DAB1: variants seen among roughly 807,000 people sequenced by gnomAD.
DAB1 encodes disabled homolog 1.
In DAB1, 15 loss-of-function variants were observed where a neutral mutation model predicts 64.6. The observed-to-expected ratio is 0.23, with a 90% confidence interval of 0.16 to 0.36. The LOEUF (loss-of-function observed/expected upper bound fraction) is 0.36, where lower values mean the gene tolerates loss of function less well. DAB1 is among the 10% of genes least tolerant of loss of function. The pLI, the probability that DAB1 is intolerant of heterozygous loss-of-function variation, is 1.00. For missense variants in DAB1, 596 were observed against 706.7 expected, an observed-to-expected ratio of 0.84 and a Z score of 1.78; for synonymous variants, 235 against 251.9, an observed-to-expected ratio of 0.93 and a Z score of 0.64.
Position 58,143,989 on chromosome 1 carries a change from C to G in DAB1, n.387+6522G>C, listed in dbSNP as rs553489483. On this transcript the variant is annotated intron_variant and non_coding_transcript_variant, in intron 5 of 20. Coordinates refer to the DAB1 transcript ENST00000485760. ...TTTCCTCCATTTAATTCCTTCCTTC[C>G]GTTTAGTTGCATTTTATTTCTTTAA... 2.0e-5 allele frequency among the ~76,000 whole-genome samples: 3 copies of G among 152,198 alleles called. No individual in the cohort carries two copies. In the East Asian group the frequency reaches 5.8e-4, roughly 29 times the overall value.
rs929551118 is a variant in DAB1, at chr1:58,493,998, T to C, written n.257+12062A>G. On this transcript the variant is annotated intron_variant and non_coding_transcript_variant, in intron 3 of 20. Coordinates refer to the DAB1 transcript ENST00000485760. ...AAAAAGAACAAAGCTGGAGGCATCATGCTACCTGACTTCAAACTATACTAC... is the reference window on the plus strand; with the variant it reads ...AAAAAGAACAAAGCTGGAGGCATCACGCTACCTGACTTCAAACTATACTAC... 2.7e-5 allele frequency among the ~76,000 whole-genome samples: 4 copies of C among 147,212 alleles called. No individual in the cohort carries two copies. The South Asian group carries it at 6.5e-4, about 24-fold the overall frequency.
Position 57,728,389 on chromosome 1 carries a change from C to T in DAB1, n.552-78724G>A, listed in dbSNP as rs190519457. 7.8e-3 allele frequency among the ~76,000 whole-genome samples: 1,194 copies of T among 152,110 alleles called. 14 individuals carry two copies. The highest frequency in any genetic ancestry group is 0.027 in the African/African-American group (1,132 of 41,482). On this transcript the variant is annotated intron_variant and non_coding_transcript_variant, in intron 6 of 20. Coordinates refer to the DAB1 transcript ENST00000485760. ...CAGGCAGATCATGAGGTCAGGAGAT[C>T]GAGACCATCCTGGCTAACACGGTGA... is the stretch of plus-strand genomic sequence containing the variant.
chr1:57,317,491 C>T (rs1327624855), intron 1 of DAB1, among the ~76,000 whole-genome samples: 2 of 152,122 alleles, frequency 1.3e-5, no homozygotes, highest in Non-Finnish European at 1.5e-5. Flanking sequence ...TTCAAGTATG[C>T]TCAAAGATTA....
At chr1:57,939,588 G>T (rs1645074223) in intron 5 of DAB1, among the ~76,000 whole-genome samples, 1 of 152,168 alleles carries the variant, frequency 6.6e-6, no homozygotes, top group African/African-American at 2.4e-5. Context: ...CAGCCTAGCG[G>T]TAATTTCTTC....
upstream of DAB1, among the ~76,000 whole-genome samples, chr1:57,426,082 T>C (rs558877213): frequency 1.3e-5 from 2 of 152,286 alleles, no homozygotes; most frequent in South Asian, 2.1e-4. Flanking sequence ...GCCAAAAACA[T>C]TGAAGTTTCT....
chr1:57,960,842 C>G (rs1044236366), intron 5 of DAB1, among the ~76,000 whole-genome samples: 1 of 152,238 alleles, frequency 6.6e-6, no homozygotes, highest in Non-Finnish European at 1.5e-5. Context: ...GGAGAACAGA[C>G]CCCAGCCTCA....
intron 4 of DAB1, among the ~76,000 whole-genome samples, chr1:57,091,059 G>T (rs1653626271): frequency 1.3e-5 from 2 of 152,048 alleles, no homozygotes; most frequent in South Asian, 4.2e-4. Flanking sequence ...GCAGTTTCAA[G>T]CCAAGTTTTG....
intron 4 of DAB1, among the ~76,000 whole-genome samples, chr1:58,332,795 C>T (rs1265766051): frequency 1.3e-5 from 2 of 152,154 alleles, no homozygotes; most frequent in Non-Finnish European, 2.9e-5. Flanking sequence ...TGGCAGTGTT[C>T]TCTCTCACTC....
intron 5 of DAB1, among the ~76,000 whole-genome samples, chr1:57,926,897 T>C (rs1644887533): frequency 6.6e-6 from 1 of 152,162 alleles, no homozygotes; most frequent in Admixed American, 6.5e-5. Context: ...CAATTACCTT[T>C]GATAATATAG....
At chr1:58,276,237 G>GTGAATATACATAACATAT (rs1661440047) in intron 4 of DAB1, among the ~76,000 whole-genome samples, 1 of 152,114 alleles carries the variant, frequency 6.6e-6, no homozygotes, top group Non-Finnish European at 1.5e-5. Flanking sequence ...TTGAGTGCAT[G>GTGAATATACATAACATAT]ACAATGTGAA....
chr1:57,951,320 A>ATATATATATATATATATATATATG (rs1002592985), intron 5 of DAB1, among the ~76,000 whole-genome samples: 7 of 123,372 alleles, frequency 5.7e-5, no homozygotes, highest in African/African-American at 2.0e-4. Flanking sequence ...CCTGATTCAT[A>ATATATATATATATATATATATATG]TATATATATA....
chr1:57,102,334 G>C lies in DAB1; in HGVS notation c.307-29920C>G, dbSNP rs1654755657. On this transcript the variant is annotated intron_variant, in intron 4 of 14. Coordinates refer to ENST00000371236, the MANE Select transcript of DAB1 (RefSeq NM_001365792.1). ...TTCACATGATATTATGATGGCTTGA[G>C]ATAAGCTTAAACTCTTCTGAAGGCT... Among the ~76,000 whole-genome samples the C allele has an allele frequency of 2.0e-5, 3 of 152,162 alleles. No individual in the cohort carries two copies. The South Asian group carries it at 6.2e-4, about 32-fold the overall frequency.
chr1:58,429,425 G>A (rs1370541733), intron 3 of DAB1, among the ~76,000 whole-genome samples: 13 of 152,178 alleles, frequency 8.5e-5, no homozygotes, highest in African/African-American at 2.9e-4. Flanking sequence ...AACTAGCAAA[G>A]GAGACAGAGC....
At chr1:58,112,930 T>C (rs961963978) in intron 5 of DAB1, among the ~76,000 whole-genome samples, 14 of 152,316 alleles carry the variant, frequency 9.2e-5, no homozygotes, top group Admixed American at 7.8e-4. Context: ...GCCACAGCTC[T>C]GAGACACAAT....
At chr1:58,041,163 A>G (rs1290021894) in intron 5 of DAB1, among the ~76,000 whole-genome samples, 1 of 152,214 alleles carries the variant, frequency 6.6e-6, no homozygotes, top group Non-Finnish European at 1.5e-5. Flanking sequence ...AAGCCTTTAA[A>G]GTCTTCCTAT....
chr1:57,470,499 CTCTAAG>C (rs1327255416), intron 7 of DAB1, among the ~76,000 whole-genome samples: 10 of 152,166 alleles, frequency 6.6e-5, no homozygotes, highest in African/African-American at 2.4e-4. Context: ...TTGAAAGTAT[CTCTAAG>C]TCTAAGGCTT....
intron 3 of DAB1, among the ~76,000 whole-genome samples, chr1:58,376,635 C>A (rs1475922780): frequency 6.9e-6 from 1 of 145,668 alleles, no homozygotes; most frequent in African/African-American, 2.6e-5. Flanking sequence ...TGGTGTGGTG[C>A]TGAAAAAAAT....
chr1:58,252,754 T>C (rs964543210), intron 4 of DAB1, among the ~76,000 whole-genome samples: 1 of 152,172 alleles, frequency 6.6e-6, no homozygotes, highest in Non-Finnish European at 1.5e-5. Flanking sequence ...TGGACCCAGG[T>C]GCTCTTGACT....
chr1:57,198,226 C>G (rs141487971), intron 2 of DAB1, among the ~76,000 whole-genome samples: 19 of 151,668 alleles, frequency 1.3e-4, no homozygotes, highest in East Asian at 5.9e-4. Context: ...CCCTCCCTTC[C>G]TAGTGTCTAT....
Sources: gnomAD v4.1 joint callset for allele counts (sites outside exome capture counted in the v4.1 genomes callset) on GRCh38, gnomAD v4.1.1 for gene constraint, MANE v1.5 for transcripts, NCBI Gene and HGNC (gene_info 2026-07-23, HGNC 2026-07-21) for gene names.